The following ADAM7 variants were observed in gnomAD, a reference collection of about 807,000 sequenced individuals.
The protein encoded by ADAM7 is disintegrin and metalloproteinase domain-containing protein 7.
Under a neutral mutation model 102.9 loss-of-function variants are expected in ADAM7, and 97 were observed. The ratio of observed to expected loss-of-function variants is 0.94; its 90% confidence interval spans 0.80 to 1.12. The LOEUF is 1.12. ADAM7 is among the 50% of genes most tolerant of loss of function. The pLI, the probability that ADAM7 is intolerant of heterozygous loss-of-function variation, is 0.00. For missense variants in ADAM7, 991 were observed against 908.7 expected (o/e 1.09, Z -1.16); for synonymous variants, 334 against 304.4 (o/e 1.10, Z -1.01).
intron 12 of ADAM7, among the ~76,000 whole-genome samples, chr8:24,490,072 C>T (rs1820288861): frequency 6.6e-6 from 1 of 152,122 alleles, no homozygotes; most frequent in African/African-American, 2.4e-5. Flanking sequence ...CCGAGGACCA[C>T]AATTTTAGTA....
intron 11 of ADAM7, among the ~76,000 whole-genome samples, chr8:24,488,037 T>C (rs1300009807): frequency 1.2e-4 from 18 of 152,208 alleles, no homozygotes. Context: ...AGATCATACA[T>C]ACATCCTGGC....
intron 13 of ADAM7, 84 bp downstream of exon 13, chr8:24,490,972 C>A: frequency 7.4e-7 from 1 of 1,345,110 alleles, no homozygotes. Flanking sequence ...ACTGGACAGC[C>A]CTGCACCACT....
chr8:24,457,321 G>T (rs1350700209), intron 3 of ADAM7, among the ~76,000 whole-genome samples: 2 of 151,916 alleles, frequency 1.3e-5, no homozygotes, highest in Non-Finnish European at 2.9e-5. Flanking sequence ...TGTCATCTAG[G>T]CTGGAGTAGA....
intron 16 of ADAM7, among the ~76,000 whole-genome samples, chr8:24,498,932 A>G (rs1001516891): frequency 6.6e-6 from 1 of 152,058 alleles, no homozygotes; most frequent in African/African-American, 2.4e-5. Context: ...AATCTTTGAC[A>G]GATTAACGCT....
At chr8:24,501,813 T>A (rs979428955) in intron 20 of ADAM7, among the ~76,000 whole-genome samples, 1 of 151,946 alleles carries the variant, frequency 6.6e-6, no homozygotes, top group Non-Finnish European at 1.5e-5. Context: ...AATATATTGG[T>A]TTAATAACAT....
chr8:24,468,487 T>C (rs1051141211), intron 6 of ADAM7, among the ~76,000 whole-genome samples: 3 of 151,056 alleles, frequency 2.0e-5, no homozygotes, highest in Admixed American at 1.3e-4. Flanking sequence ...ATCCTGCACA[T>C]GTACCTCGGA....
intron 1 of ADAM7, among the ~76,000 whole-genome samples, chr8:24,442,209 C>T (rs1818399571): frequency 6.6e-6 from 1 of 152,014 alleles, no homozygotes; most frequent in South Asian, 2.1e-4. Context: ...AATAAAATTA[C>T]AGCTGCAGAA....
At chr8:24,456,323 G>T (rs1017608975) in intron 3 of ADAM7, among the ~76,000 whole-genome samples, 7 of 152,056 alleles carry the variant, frequency 4.6e-5, no homozygotes, top group Non-Finnish European at 1.0e-4. Flanking sequence ...TTTTAAGGCC[G>T]AACATTATTC....
chr8:24,478,245 C>T (rs781727869), intron 8 of ADAM7, among the ~76,000 whole-genome samples: 1 of 152,118 alleles, frequency 6.6e-6, no homozygotes, highest in Non-Finnish European at 1.5e-5. Context: ...TTCTTGCTGG[C>T]AGTCTGCTGG....
intron 8 of ADAM7, among the ~76,000 whole-genome samples, chr8:24,480,590 A>T (rs576860488): frequency 1.3e-5 from 2 of 152,306 alleles, no homozygotes; most frequent in South Asian, 4.1e-4. Context: ...TTATGAGAAG[A>T]AAATATCATC....
At chr8:24,442,106 G>T (rs964549715) in intron 1 of ADAM7, among the ~76,000 whole-genome samples, 1 of 152,120 alleles carries the variant, frequency 6.6e-6, no homozygotes, top group African/African-American at 2.4e-5. Flanking sequence ...CCGGGGAGGC[G>T]GAGGTTGCAG....
intron 3 of ADAM7, 108 bp from the exon 4 acceptor site, chr8:24,463,774 T>C: frequency 2.3e-6 from 2 of 855,294 alleles, no homozygotes; most frequent in Non-Finnish European, 3.7e-6. Context: ...GAAGAGGATC[T>C]TGCTGAGATT....
chr8:24,451,979 C>T (rs1818810539), intron 3 of ADAM7, among the ~76,000 whole-genome samples: 1 of 152,090 alleles, frequency 6.6e-6, no homozygotes, highest in Admixed American at 6.6e-5. Flanking sequence ...TTTCTTAATC[C>T]TGAGTTCTAG....
intron 7 of ADAM7, among the ~76,000 whole-genome samples, chr8:24,475,181 C>G (rs1385075045): frequency 1.3e-5 from 2 of 152,148 alleles, no homozygotes; most frequent in African/African-American, 4.8e-5. Context: ...AAGCTCATAC[C>G]TAACCATTCC....
chr8:24,459,662 G>T (rs1819169814), intron 3 of ADAM7, among the ~76,000 whole-genome samples: 1 of 151,952 alleles, frequency 6.6e-6, no homozygotes, highest in Admixed American at 6.6e-5. Context: ...TTTTCGCCTT[G>T]TTGCCCAGGC....
chr8:24,492,266 G>A (rs900317990), intron 14 of ADAM7, 168 bp downstream of exon 14: 44 of 725,632 alleles, frequency 6.1e-5, no homozygotes, highest in African/African-American at 1.1e-4. Flanking sequence ...TTGATCTTAC[G>A]TCTAATATTA....
intron 17 of ADAM7, among the ~76,000 whole-genome samples, chr8:24,499,807 C>G (rs1820688141): frequency 7.2e-6 from 1 of 138,368 alleles, no homozygotes; most frequent in South Asian, 2.1e-4. Context: ...TACACACACA[C>G]ACACACACAC....
At chr8:24,500,988 T>G in intron 19 of ADAM7, 93 bp downstream of exon 19, 2 of 1,034,324 alleles carry the variant, frequency 1.9e-6, no homozygotes, top group Non-Finnish European at 2.9e-6. Flanking sequence ...TGGGGGGAAG[T>G]ATAAGCTTCT....
intron 16 of ADAM7, among the ~76,000 whole-genome samples, chr8:24,497,408 A>G (rs1303602475): frequency 2.0e-5 from 3 of 152,212 alleles, no homozygotes; most frequent in Admixed American, 6.5e-5. Flanking sequence ...ATAATTTGAG[A>G]TCAAAGAGCA....
Sources: allele counts gnomAD v4.1 joint callset (sites outside exome capture counted in the v4.1 genomes callset), GRCh38; gene constraint gnomAD v4.1.1; transcripts MANE v1.5; gene names NCBI Gene and HGNC (gene_info 2026-07-23, HGNC 2026-07-21).